The following PPP1R16B variants were observed in gnomAD, a reference collection of about 807,000 sequenced individuals.
PPP1R16B encodes the protein protein phosphatase 1 regulatory subunit 16B.
In PPP1R16B, 14 loss-of-function variants were observed where a neutral mutation model predicts 61.7. The ratio of observed to expected loss-of-function variants is 0.23; its 90% CI spans 0.15 to 0.35. The LOEUF (loss-of-function observed/expected upper bound fraction) is 0.35, where lower values mean the gene tolerates loss of function less well. Among genes scored for constraint, PPP1R16B ranks in the 10% least tolerant of loss-of-function variants. PPP1R16B has a pLI of 1.00. For missense variants in PPP1R16B, 547 were observed against 752.5 expected (o/e 0.73, Z 3.19); for synonymous variants, 266 against 305.3 (o/e 0.87, Z 1.34).
rs191742423 is a variant in PPP1R16B, at chr20:38,833,233, T to C, written c.-101-2592T>C. 1.3e-4 allele frequency among the ~76,000 whole-genome samples: 20 copies of C among 152,330 alleles called. No homozygotes were observed. The East Asian group carries it at 3.7e-3, about 28-fold the overall frequency. On this transcript the variant is annotated intron_variant, in intron 1 of 10. Coordinates refer to ENST00000299824, the MANE Select transcript of PPP1R16B (RefSeq NM_015568.4). ...GTTACCTGCTATCTGATTCTATTTA[T>C]ATAACATCTTTTGAAATGACAAAAT...
At position 38,907,311 on chromosome 20, in the gene PPP1R16B, GTGGATGGATGGA is replaced by G. The variant is rs11470382; in HGVS notation, c.898+283_898+294del. ...TCTGGTTGAATGGATGGGTGGGTGGGTGGATGGATGGATGGATGGATGGATGGATGGATGGAT... is the reference window on the plus strand; with the variant it reads ...TCTGGTTGAATGGATGGGTGGGTGGGTGGATGGATGGATGGATGGATGGAT... On this transcript the variant is annotated intron_variant, in intron 8 of 10. Transcript: ENST00000299824. The surrounding 1 kb of genome is among the most constrained non-coding windows in gnomAD (Gnocchi z 4.5). Among the ~76,000 whole-genome samples, 9 of 150,668 alleles carry G rather than the reference GTGGATGGATGGA, an allele frequency of 6.0e-5. No individual in the cohort carries two copies. The East Asian group carries it at 7.9e-4, about 13-fold the overall frequency.
In PPP1R16B at chr20:38,918,029, C is replaced by A. The variant is rs1240488027; in HGVS notation, c.1195-128C>A. On this transcript the variant is annotated intron_variant, in intron 10 of 10. Coordinates refer to ENST00000299824, the MANE Select transcript of PPP1R16B (RefSeq NM_015568.4). This position sits in a 1 kb window ranked among gnomAD's most constrained non-coding sequence, Gnocchi z 5.3. Reference sequence around the variant, plus strand: ...GGGGTTCCCCAAAGGAAAACCCTGGCCCCGATACCCAGGGAGAGAAAACAG... The same window carrying A: ...GGGGTTCCCCAAAGGAAAACCCTGGACCCGATACCCAGGGAGAGAAAACAG... 1.1e-5 allele frequency: 14 copies of A among 1,285,548 alleles called. No individual in the cohort carries two copies. In the East Asian group the frequency reaches 3.0e-4, roughly 28 times the overall value. The allele number at this position is 1,285,548 out of a possible 1,614,324, so 79.6% of individuals were successfully genotyped here.
At chr20:38,814,844 C>T (rs2084725225) in intron 1 of PPP1R16B, among the ~76,000 whole-genome samples, 1 of 152,172 alleles carries the variant, frequency 6.6e-6, no homozygotes, top group Admixed American at 6.5e-5. Flanking sequence ...ACAAGTAAAA[C>T]ATACAAATTT....
chr20:38,900,647 C>A lies in PPP1R16B; in HGVS notation c.534C>A (p.Pro178=). 6.3e-7 allele frequency: 1 copy of A among 1,594,688 alleles called. No homozygotes were observed. Among genetic ancestry groups the A allele is most frequent in the South Asian group, 1.1e-5 (1 of 87,162 alleles). ...CATATGACCTCTGCGAGGATGAACC[C>A]ACCCTGGATGTCATCGAGACCTGCA... is the stretch of plus-strand genomic sequence containing the variant. ...NMPYDLCEDE[P]TLDVIETCMA... Residue 178 remains proline (P), a synonymous_variant, in exon 5 of 11, where the codon CCC becomes CCA. Transcript: ENST00000299824.
intron 2 of PPP1R16B, among the ~76,000 whole-genome samples, chr20:38,888,531 C>G (rs1210413375): frequency 6.6e-6 from 1 of 152,118 alleles, no homozygotes; most frequent in Non-Finnish European, 1.5e-5. Flanking sequence ...AGAGGTGTGG[C>G]CTGGAAGGGG....
chr20:38,811,439 G>T (rs1401240039), intron 1 of PPP1R16B, among the ~76,000 whole-genome samples: 1 of 152,080 alleles, frequency 6.6e-6, no homozygotes, highest in East Asian at 1.9e-4. Flanking sequence ...GCTAATTTTA[G>T]CATCTTCAAT....
chr20:38,899,061 C>T (rs1202098714), intron 4 of PPP1R16B, among the ~76,000 whole-genome samples: 1 of 152,076 alleles, frequency 6.6e-6, no homozygotes, highest in African/African-American at 2.4e-5. Context: ...AGAGAGTGGC[C>T]CAGGGCAGGT....
intron 10 of PPP1R16B, among the ~76,000 whole-genome samples, chr20:38,910,426 A>G (rs1203709726): frequency 6.6e-6 from 1 of 152,178 alleles, no homozygotes; most frequent in Non-Finnish European, 1.5e-5. Flanking sequence ...TTTGAGTTCT[A>G]AAGATTAATT....
intron 2 of PPP1R16B, among the ~76,000 whole-genome samples, chr20:38,854,929 C>A (rs1177958918): frequency 6.6e-6 from 1 of 152,162 alleles, no homozygotes; most frequent in Admixed American, 6.5e-5. Flanking sequence ...TACTCAATGG[C>A]GGCCTTCTAT....
At chr20:38,809,738 G>A (rs2084686033) in intron 1 of PPP1R16B, among the ~76,000 whole-genome samples, 1 of 152,082 alleles carries the variant, frequency 6.6e-6, no homozygotes, top group Admixed American at 6.5e-5. Flanking sequence ...CCAGCAATTT[G>A]GGAGGCAGAG....
chr20:38,840,886 ATTAAG>A (rs1452489090), intron 2 of PPP1R16B, among the ~76,000 whole-genome samples: 1 of 152,230 alleles, frequency 6.6e-6, no homozygotes, highest in Non-Finnish European at 1.5e-5. Flanking sequence ...GGGGGGTTAA[ATTAAG>A]TTGATAAATG....
chr20:38,867,380 G>C (rs1458050448), intron 2 of PPP1R16B, among the ~76,000 whole-genome samples: 2 of 152,182 alleles, frequency 1.3e-5, no homozygotes, highest in African/African-American at 4.8e-5. Flanking sequence ...GAGTCACCAG[G>C]GTCCATGGTT....
intron 2 of PPP1R16B, among the ~76,000 whole-genome samples, chr20:38,857,853 G>A (rs183298826): frequency 6.6e-6 from 1 of 152,092 alleles, no homozygotes; most frequent in East Asian, 1.9e-4. Flanking sequence ...AGTCTTTCTC[G>A]GTGGACATGG....
At chr20:38,830,653 A>G (rs1412496789) in intron 1 of PPP1R16B, among the ~76,000 whole-genome samples, 3 of 152,216 alleles carry the variant, frequency 2.0e-5, no homozygotes, top group South Asian at 2.1e-4. Context: ...AGTTATAAAG[A>G]TGTTAAGGGT....
rs954896244 is a variant in PPP1R16B at position 38,912,523 on chromosome 20, A to C, written c.1194+4330A>C. Among the ~76,000 whole-genome samples the C allele has an allele frequency of 3.0e-4, 45 of 148,922 alleles. 1 individual carries two copies. The highest frequency in any genetic ancestry group is 1.1e-3 in the African/African-American group (43 of 39,756). On this transcript the variant is annotated intron_variant, in intron 10 of 10. Coordinates refer to ENST00000299824, the MANE Select transcript of PPP1R16B (RefSeq NM_015568.4). ...CCCACCAAAAAAAAAAAAAAAAAAA[A>C]CAATTAGGTGGGTGTGATGGTGTGT...
At chr20:38,836,323 G>A in intron 2 of PPP1R16B, 148 bp downstream of exon 2, 1 of 1,205,332 alleles carries the variant, frequency 8.3e-7, no homozygotes, top group Non-Finnish European at 1.1e-6. Context: ...CTTAGGAAGT[G>A]GACGTTCCTA....
At chr20:38,897,190 G>A (rs1430714663) in intron 4 of PPP1R16B, among the ~76,000 whole-genome samples, 2 of 152,134 alleles carry the variant, frequency 1.3e-5, no homozygotes, top group East Asian at 1.9e-4. Flanking sequence ...AGCTGGGTGT[G>A]GTGGCTCACG....
intron 1 of PPP1R16B, among the ~76,000 whole-genome samples, chr20:38,819,964 C>T (rs1459048284): frequency 6.6e-6 from 1 of 152,096 alleles, no homozygotes; most frequent in Non-Finnish European, 1.5e-5. Flanking sequence ...CCAGTCACTC[C>T]CTACACCCTG....
rs546228072 is a variant in PPP1R16B at position 38,881,644 on chromosome 20, C to T, written c.251-7951C>T. On this transcript the variant is annotated intron_variant, in intron 2 of 10. Coordinates refer to ENST00000299824, the MANE Select transcript of PPP1R16B (RefSeq NM_015568.4). Reference sequence around the variant, plus strand: ...CGCTGGACCTCAGGCTCAGTGTTCACTTCTGTGCCTCAGTGACTTCATTTG... The same window carrying T: ...CGCTGGACCTCAGGCTCAGTGTTCATTTCTGTGCCTCAGTGACTTCATTTG... Among the ~76,000 whole-genome samples, 26 of 152,348 alleles carry T rather than the reference C, an allele frequency of 1.7e-4. No homozygotes were observed. In the East Asian group the frequency reaches 2.5e-3, roughly 15 times the overall value.
Sources: gnomAD v4.1 joint callset for allele counts (sites outside exome capture counted in the v4.1 genomes callset) on GRCh38, gnomAD v4.1.1 for gene constraint, Gnocchi (gnomAD v3.1) non-coding constraint, MANE v1.5 for transcripts, NCBI Gene and HGNC (gene_info 2026-07-23, HGNC 2026-07-21) for gene names.